Variants in TAB2 observed in about 807,000 individuals in gnomAD.
TAB2 encodes the protein TGF-beta activated kinase 1 (MAP3K7) binding protein 2, also known as TGF-beta-activated kinase 1 and MAP3K7-binding protein 2.
Under a neutral mutation model 65.0 loss-of-function variants are expected in TAB2, and 3 were observed. The ratio of observed to expected loss-of-function variants is 0.05; its 90% confidence interval spans 0.02 to 0.12. The LOEUF (loss-of-function observed/expected upper bound fraction) is 0.12. TAB2 is among the 10% of genes least tolerant of loss of function. TAB2 has a pLI of 1.00. For missense variants in TAB2, 623 were observed against 840.3 expected (o/e 0.74, Z 3.20); for synonymous variants, 298 against 285.1 (o/e 1.05, Z -0.46).
chr6:149,347,077 G>A (rs952178949), intron 1 of TAB2: 2 of 152,208 alleles, frequency 1.3e-5, no homozygotes, highest in Admixed American at 6.5e-5. Flanking sequence ...AATGAGGTAT[G>A]AATTATAAAA....
At chr6:149,350,838 G>A (rs1468153890) in intron 1 of TAB2, among the ~76,000 whole-genome samples, 5 of 151,938 alleles carry the variant, frequency 3.3e-5, no homozygotes, top group Non-Finnish European at 7.4e-5. Flanking sequence ...TAAGAACGGT[G>A]CAAAGATAAA....
At chr6:149,251,243 C>T (rs1562388219) in intron 1 of TAB2, among the ~76,000 whole-genome samples, 1 of 152,110 alleles carries the variant, frequency 6.6e-6, no homozygotes, top group East Asian at 1.9e-4. Context: ...CAGTTCTCAC[C>T]ACATGACAAG....
In TAB2 at chr6:149,337,777, ATACTT is replaced by A. The variant is rs533855292; in HGVS notation, c.-90+19763_-90+19767del. 5.2e-3 allele frequency among the ~76,000 whole-genome samples: 799 copies of A among 152,302 alleles called. 5 individuals are homozygous for A. The highest frequency in any genetic ancestry group is 7.6e-3 in the Non-Finnish European group (516 of 68,020). On this transcript the variant is annotated intron_variant, in intron 1 of 6. Coordinates refer to ENST00000637181, the MANE Select transcript of TAB2 (RefSeq NM_001292034.3). ...GGAAACTTTCTTAATCTCTTATACT[ATACTT>A]ACACAGAGGGTGGGAAGACTGGCAG...
At chr6:149,328,887 T>C (rs1303228432) in intron 1 of TAB2, among the ~76,000 whole-genome samples, 1 of 152,056 alleles carries the variant, frequency 6.6e-6, no homozygotes, top group Non-Finnish European at 1.5e-5. Context: ...CTAGGAAAGG[T>C]GACACTTAAT....
At chr6:149,240,761 A>G (rs1777582510) in intron 1 of TAB2, among the ~76,000 whole-genome samples, 1 of 152,200 alleles carries the variant, frequency 6.6e-6, no homozygotes, top group South Asian at 2.1e-4. Flanking sequence ...ACATAAAGTC[A>G]AATATATTTT....
intron 1 of TAB2, among the ~76,000 whole-genome samples, chr6:149,332,011 G>A (rs1001024779): frequency 6.6e-6 from 1 of 152,182 alleles, no homozygotes; most frequent in African/African-American, 2.4e-5. Context: ...CTCTGTGTGG[G>A]AAGGAATTGC....
intron 1 of TAB2, among the ~76,000 whole-genome samples, chr6:149,241,597 T>A (rs1429567638): frequency 6.6e-6 from 1 of 152,172 alleles, no homozygotes; most frequent in African/African-American, 2.4e-5. Flanking sequence ...GGTAGAAATA[T>A]GACGAAAATG....
intron 1 of TAB2, among the ~76,000 whole-genome samples, chr6:149,351,937 A>T (rs114501822): frequency 2.0e-5 from 3 of 152,206 alleles, no homozygotes; most frequent in Non-Finnish European, 4.4e-5. Flanking sequence ...AGAAGCGTGC[A>T]TGGCTAAGGT....
chr6:149,289,751 G>A (rs1778742996), intron 1 of TAB2, among the ~76,000 whole-genome samples: 1 of 152,208 alleles, frequency 6.6e-6, no homozygotes, highest in African/African-American at 2.4e-5. Flanking sequence ...ACTCTCAGGA[G>A]GGCCTGAGAA....
intron 1 of TAB2, among the ~76,000 whole-genome samples, chr6:149,307,610 A>G (rs1005934188): frequency 2.6e-5 from 4 of 152,074 alleles, no homozygotes; most frequent in African/African-American, 9.7e-5. Context: ...ATATTTTATT[A>G]TTTACAAAGG....
At chr6:149,291,679 G>A (rs1778780417) in intron 1 of TAB2, 1 of 152,304 alleles carries the variant, frequency 6.6e-6, no homozygotes, top group Non-Finnish European at 1.5e-5. Flanking sequence ...TGGCCAACAT[G>A]GCAAAACCCC....
At chr6:149,313,800 A>G (rs897624175), upstream of TAB2, among the ~76,000 whole-genome samples, 2 of 152,222 alleles carry the variant, frequency 1.3e-5, no homozygotes, top group African/African-American at 4.8e-5. Context: ...ATGCAATCCA[A>G]CTATGGCCTA....
intron 1 of TAB2, among the ~76,000 whole-genome samples, chr6:149,248,499 A>AG (rs1777786817): frequency 2.0e-5 from 3 of 146,934 alleles, no homozygotes; most frequent in African/African-American, 7.7e-5. Context: ...AGAGAGAGAG[A>AG]AAGAGAGAAA....
chr6:149,305,431 G>C (rs1457050607), intron 1 of TAB2, among the ~76,000 whole-genome samples: 3 of 152,092 alleles, frequency 2.0e-5, no homozygotes, highest in Non-Finnish European at 1.5e-5. Context: ...AAAGGGCCCT[G>C]TCCAAATCTC....
chr6:149,218,723 AGAAG>A, exon 1 of TAB2: 1 of 455,924 alleles, frequency 2.2e-6, no homozygotes. Context: ...GCCTGGATGA[AGAAG>A]GATTTGAGAC....
intron 6 of TAB2, among the ~76,000 whole-genome samples, chr6:149,403,281 TATACAC>T (rs1356760949): frequency 1.3e-4 from 4 of 31,890 alleles, no homozygotes; most frequent in African/African-American, 3.5e-4. Context: ...TATATATATA[TATACAC>T]ACACACACAT....
intron 1 of TAB2, among the ~76,000 whole-genome samples, chr6:149,285,404 T>C (rs942043013): frequency 4.6e-5 from 7 of 151,978 alleles, no homozygotes; most frequent in Non-Finnish European, 1.0e-4. Context: ...TAGAGGGGAG[T>C]GGTCTCCCAT....
intron 1 of TAB2, among the ~76,000 whole-genome samples, chr6:149,340,174 C>T (rs557512153): frequency 2.6e-5 from 4 of 152,220 alleles, no homozygotes; most frequent in African/African-American, 7.2e-5. Flanking sequence ...AAAGGAGATT[C>T]TCCTTAGATT....
chr6:149,226,236 G>C (rs1016421757), intron 1 of TAB2, among the ~76,000 whole-genome samples: 2 of 152,142 alleles, frequency 1.3e-5, no homozygotes, highest in Admixed American at 6.5e-5. Flanking sequence ...GCCCATTATA[G>C]GACACAGAAA....
Sources: allele counts gnomAD v4.1 joint callset (sites outside exome capture counted in the v4.1 genomes callset), GRCh38; gene constraint gnomAD v4.1.1; transcripts MANE v1.5; gene names NCBI Gene and HGNC (gene_info 2026-07-23, HGNC 2026-07-21).